The following GPC5 variants were observed in gnomAD, a reference collection of about 807,000 sequenced individuals.
GPC5 encodes the protein glypican 5.
GPC5 carries 47 observed loss-of-function variants against 53.9 expected under a neutral mutation model. That is an observed-to-expected ratio of 0.87 (90% CI 0.69 to 1.11). The LOEUF (loss-of-function observed/expected upper bound fraction) is 1.11, where lower values mean the gene tolerates loss of function less well. Ranked by LOEUF, GPC5 falls within the 50% of genes most tolerant of loss-of-function variation. The pLI is 0.00. For missense variants in GPC5, 748 were observed against 713.1 expected (o/e 1.05, Z -0.56); for synonymous variants, 286 against 263.3 (o/e 1.09, Z -0.84).
rs773382956 is a variant in GPC5, at chr13:91,693,323, T to G, written c.462T>G (p.Gly154=). The G allele has an allele frequency of 7.1e-5, 115 of 1,614,110 alleles. No homozygotes were observed. The highest frequency in any genetic ancestry group is 1.6e-4 in the Middle Eastern group (1 of 6,062). ...CTGATGTGGGGCTGTATTTATTTGG[T>G]GCGGATGTTAATCCTGAAGAATTTG... The part of the protein sequence containing the change: ...FFTDVGLYLF[G]ADVNPEEFVN... Residue 154 remains glycine, a synonymous_variant, in exon 3 of 8, where the codon GGT becomes GGG. Transcript: ENST00000377067.
chr13:91,751,061 C>T (rs941338021), intron 4 of GPC5, among the ~76,000 whole-genome samples: 3 of 152,084 alleles, frequency 2.0e-5, no homozygotes, highest in Non-Finnish European at 4.4e-5. Flanking sequence ...ACCGTAGATC[C>T]CTGGTTCTAC....
At chr13:91,736,428 T>C (rs1042082396) in intron 4 of GPC5, among the ~76,000 whole-genome samples, 9 of 151,412 alleles carry the variant, frequency 5.9e-5, no homozygotes, top group African/African-American at 2.2e-4. Flanking sequence ...TACTCAATTT[T>C]TCCACAATCT....
intron 7 of GPC5, among the ~76,000 whole-genome samples, chr13:92,420,528 A>G (rs1876510491): frequency 6.6e-6 from 1 of 152,104 alleles, no homozygotes; most frequent in Admixed American, 6.5e-5. Flanking sequence ...TAAAATATAC[A>G]ATTAAATTAT....
At chr13:91,497,344 A>G (rs532242189) in intron 2 of GPC5, among the ~76,000 whole-genome samples, 3 of 152,276 alleles carry the variant, frequency 2.0e-5, no homozygotes, top group Middle Eastern at 3.4e-3. Flanking sequence ...TCTACTAAAA[A>G]GGAAAAAAGT....
At chr13:91,742,274 CT>C (rs1163541567) in intron 4 of GPC5, among the ~76,000 whole-genome samples, 4 of 152,292 alleles carry the variant, frequency 2.6e-5, no homozygotes, top group African/African-American at 9.6e-5. Context: ...GGTTCTTAAC[CT>C]TTGGGGATCA....
intron 6 of GPC5, among the ~76,000 whole-genome samples, chr13:92,004,829 T>C (rs1345835481): frequency 6.6e-6 from 1 of 152,050 alleles, no homozygotes; most frequent in Non-Finnish European, 1.5e-5. Context: ...AAGAGACTTA[T>C]TCACTAACAT....
intron 7 of GPC5, among the ~76,000 whole-genome samples, chr13:92,667,268 TA>T (rs1886607701): frequency 6.6e-6 from 1 of 151,990 alleles, no homozygotes; most frequent in African/African-American, 2.4e-5. Context: ...ATGAAGCTAC[TA>T]AAAAGAGAGG....
At chr13:92,461,751 G>C (rs1198329098) in intron 7 of GPC5, among the ~76,000 whole-genome samples, 1 of 152,186 alleles carries the variant, frequency 6.6e-6, no homozygotes. Flanking sequence ...TTACAAACTA[G>C]GAAGAGGACC....
chr13:91,807,322 T>C (rs2038238164), intron 5 of GPC5, among the ~76,000 whole-genome samples: 1 of 152,210 alleles, frequency 6.6e-6, no homozygotes, highest in Non-Finnish European at 1.5e-5. Flanking sequence ...AAAATTTTGT[T>C]CATATGAAAA....
chr13:91,863,462 G>A (rs966956471), intron 5 of GPC5, among the ~76,000 whole-genome samples: 2 of 152,082 alleles, frequency 1.3e-5, no homozygotes, highest in Admixed American at 6.6e-5. Context: ...AGTACCTAGT[G>A]CAAAACACTA....
chr13:92,122,959 G>A (rs1372619910), intron 6 of GPC5, among the ~76,000 whole-genome samples: 1 of 152,012 alleles, frequency 6.6e-6, no homozygotes, highest in Non-Finnish European at 1.5e-5. Flanking sequence ...TAGACATTAT[G>A]TATGTTCCAA....
intron 5 of GPC5, among the ~76,000 whole-genome samples, chr13:91,836,121 G>T (rs575434196): frequency 1.3e-3 from 191 of 151,828 alleles, no homozygotes; most frequent in African/African-American, 4.1e-3. Context: ...TTTAAATATT[G>T]TATGTTACTA....
intron 2 of GPC5, among the ~76,000 whole-genome samples, chr13:91,460,287 C>A (rs189811552): frequency 2.0e-5 from 3 of 151,236 alleles, no homozygotes; most frequent in Admixed American, 2.0e-4. Flanking sequence ...TAAATAATAT[C>A]TCTTTGTTGT....
At chr13:91,817,306 C>G (rs1298335338) in intron 5 of GPC5, among the ~76,000 whole-genome samples, 1 of 152,010 alleles carries the variant, frequency 6.6e-6, no homozygotes, top group African/African-American at 2.4e-5. Flanking sequence ...TTATTTTAGT[C>G]CAAAAAGGAA....
intron 7 of GPC5, among the ~76,000 whole-genome samples, chr13:92,669,015 C>T (rs1295315582): frequency 6.6e-6 from 1 of 152,000 alleles, no homozygotes; most frequent in Non-Finnish European, 1.5e-5. Context: ...AGTTTGTCTT[C>T]ATTTTAATAA....
intron 7 of GPC5, among the ~76,000 whole-genome samples, chr13:92,852,011 C>T (rs375574733): frequency 1.3e-5 from 2 of 151,180 alleles, no homozygotes; most frequent in African/African-American, 4.9e-5. Context: ...ATGCATGAAA[C>T]AGAAAAAAAA....
At chr13:92,586,374 A>G (rs901139468) in intron 7 of GPC5, among the ~76,000 whole-genome samples, 2 of 152,214 alleles carry the variant, frequency 1.3e-5, no homozygotes, top group Non-Finnish European at 2.9e-5. Context: ...CCACAATATG[A>G]ACAGAAAGCA....
chr13:92,507,136 T>C (rs1880400046), intron 7 of GPC5, among the ~76,000 whole-genome samples: 1 of 152,172 alleles, frequency 6.6e-6, no homozygotes, highest in Admixed American at 6.5e-5. Flanking sequence ...ATTCAGGAAT[T>C]ACTTCCATTG....
At chr13:92,095,496 C>T (rs1159943201) in intron 6 of GPC5, among the ~76,000 whole-genome samples, 2 of 151,780 alleles carry the variant, frequency 1.3e-5, no homozygotes, top group Non-Finnish European at 2.9e-5. Context: ...TACAGGTGCA[C>T]GCCACCACTC....
Sources: gnomAD v4.1 joint callset for allele counts (sites outside exome capture counted in the v4.1 genomes callset) on GRCh38, gnomAD v4.1.1 for gene constraint, MANE v1.5 for transcripts, NCBI Gene and HGNC (gene_info 2026-07-23, HGNC 2026-07-21) for gene names.